Variants in NCKAP5 observed in about 807,000 individuals in gnomAD.
The protein encoded by NCKAP5 is NCK associated protein 5, also known as nck-associated protein 5.
NCKAP5 carries 92 observed loss-of-function variants against 167.0 expected under a neutral mutation model. The observed-to-expected ratio is 0.55, with a 90% CI of 0.47 to 0.66. NCKAP5 has a LOEUF of 0.66. NCKAP5 is among the 30% of genes least tolerant of loss of function. The pLI is 0.00. For synonymous variants in NCKAP5, 891 were observed against 877.4 expected (o/e 1.02, Z -0.27); for missense variants, 2,378 against 2,315.0 (o/e 1.03, Z -0.56).
At chr2:133,655,566 C>A in the NCKAP5 span, among the ~76,000 whole-genome samples, 1 of 152,140 alleles carries the variant, frequency 6.6e-6, no homozygotes, top group South Asian at 2.1e-4. Flanking sequence ...ATGGGGCATC[C>A]CATCAATCAG....
rs566485370 is a variant in NCKAP5, at chr2:133,497,515, T to C, written c.69+19943A>G. ...AAATTCCTACCACAGAGCATCCCAT[T>C]AGGAAGATTCCTGGGAGGTAACAGG... is the stretch of plus-strand genomic sequence containing the variant. On this transcript the variant is annotated intron_variant, in intron 3 of 19. Coordinates refer to ENST00000409261, the MANE Select transcript of NCKAP5 (RefSeq NM_207363.3). Among the ~76,000 whole-genome samples, 6 of 152,338 alleles carry C rather than the reference T, an allele frequency of 3.9e-5. 1 individual carries two copies. The highest frequency in any genetic ancestry group is 1.4e-4 in the African/African-American group (6 of 41,578).
chr2:133,628,199 A>G, the NCKAP5 span, among the ~76,000 whole-genome samples: 1 of 152,218 alleles, frequency 6.6e-6, no homozygotes, highest in Non-Finnish European at 1.5e-5. Flanking sequence ...GAGGAAGTCA[A>G]ACTGTCTCTG....
At chr2:133,256,048 A>G (rs998832369) in intron 4 of NCKAP5, among the ~76,000 whole-genome samples, 3 of 152,200 alleles carry the variant, frequency 2.0e-5, no homozygotes, top group African/African-American at 7.2e-5. Context: ...ATGATGGTTA[A>G]TTAAACCCGA....
intron 8 of NCKAP5, among the ~76,000 whole-genome samples, chr2:132,950,560 C>T (rs1419396084): frequency 2.6e-5 from 4 of 152,110 alleles, no homozygotes; most frequent in South Asian, 2.1e-4. Flanking sequence ...GGAAATACCC[C>T]GACACCACTT....
intron 16 of NCKAP5, among the ~76,000 whole-genome samples, chr2:132,765,567 C>CCACCCAAAGTGCTGGAATT (rs57897504): frequency 6.6e-6 from 1 of 151,768 alleles, no homozygotes; most frequent in African/African-American, 2.4e-5. Flanking sequence ...CCCGCCTCAG[C>CCACCCAAAGTGCTGGAATT]ACAGGCATGA....
intron 5 of NCKAP5, among the ~76,000 whole-genome samples, chr2:133,147,697 C>T (rs1484143427): frequency 1.3e-5 from 2 of 152,090 alleles, no homozygotes; most frequent in African/African-American, 4.8e-5. Flanking sequence ...TAGTAAGCGG[C>T]CTCTTCCCCA....
chr2:133,110,554 C>T lies in NCKAP5; in HGVS notation c.341+19424G>A, dbSNP rs1310001912. ...AACCTAGTGCATCTGTCTGTTAGGG[C>T]GAGAAAAAGCAGAATATCATTCCAG... On this transcript the variant is annotated intron_variant, in intron 6 of 19. Transcript: ENST00000409261. Among the ~76,000 whole-genome samples, 3 of 152,110 alleles carry T rather than the reference C, an allele frequency of 2.0e-5. 1 individual carries two copies. The highest frequency in any genetic ancestry group is 4.8e-5 in the African/African-American group (2 of 41,416).
chr2:132,696,267 C>T (rs879617745), intron 19 of NCKAP5, among the ~76,000 whole-genome samples: 15 of 152,204 alleles, frequency 9.9e-5, no homozygotes, highest in Non-Finnish European at 1.8e-4. Flanking sequence ...CTACAGAAAC[C>T]AGTCCTCATG....
intron 16 of NCKAP5, among the ~76,000 whole-genome samples, chr2:132,732,503 A>C (rs752706095): frequency 3.0e-4 from 45 of 152,206 alleles, no homozygotes; most frequent in Non-Finnish European, 6.0e-4. Context: ...AGTGAGGTGC[A>C]TGAAGTGGAC....
At chr2:132,786,267 G>A (rs1283117028) in intron 13 of NCKAP5, among the ~76,000 whole-genome samples, 1 of 152,216 alleles carries the variant, frequency 6.6e-6, no homozygotes, top group Non-Finnish European at 1.5e-5. Flanking sequence ...GGAATGACTA[G>A]AAGATGATAT....
intron 19 of NCKAP5, among the ~76,000 whole-genome samples, chr2:132,699,535 T>G (rs1465048721): frequency 6.6e-6 from 1 of 151,954 alleles, no homozygotes; most frequent in Non-Finnish European, 1.5e-5. Flanking sequence ...TGTGTCCAAG[T>G]GTTCTCATTG....
chr2:132,872,435 C>G (rs1158549554), intron 9 of NCKAP5, among the ~76,000 whole-genome samples: 2 of 152,114 alleles, frequency 1.3e-5, no homozygotes. Context: ...TGGAAGTGGG[C>G]GAGCAGAGGG....
intron 8 of NCKAP5, among the ~76,000 whole-genome samples, chr2:132,957,531 A>G (rs909101163): frequency 5.9e-5 from 9 of 151,982 alleles, no homozygotes; most frequent in African/African-American, 2.2e-4. Flanking sequence ...GGGGCTCAGA[A>G]AAAATATCCC....
intron 5 of NCKAP5, among the ~76,000 whole-genome samples, chr2:133,132,640 C>T (rs1378431365): frequency 6.6e-6 from 1 of 151,634 alleles, no homozygotes; most frequent in Non-Finnish European, 1.5e-5. Context: ...TGACAATAAT[C>T]CACACCTACT....
intron 6 of NCKAP5, among the ~76,000 whole-genome samples, chr2:133,033,005 C>A (rs974857940): frequency 1.3e-5 from 2 of 152,274 alleles, no homozygotes; most frequent in South Asian, 4.1e-4. Context: ...CCCACCAGCT[C>A]CTCCCACAAC....
chr2:133,334,912 G>A (rs1167047524), intron 3 of NCKAP5, among the ~76,000 whole-genome samples: 1 of 152,176 alleles, frequency 6.6e-6, no homozygotes, highest in Non-Finnish European at 1.5e-5. Context: ...ATGTGGCTGA[G>A]CTGGGTCTCT....
chr2:133,272,298 G>A (rs960333511), intron 4 of NCKAP5, among the ~76,000 whole-genome samples: 2 of 151,694 alleles, frequency 1.3e-5, no homozygotes, highest in Non-Finnish European at 2.9e-5. Context: ...ATCAATACAG[G>A]ATCAATAAAA....
intron 6 of NCKAP5, among the ~76,000 whole-genome samples, chr2:133,042,932 T>C (rs2149460508): frequency 6.6e-6 from 1 of 152,314 alleles, no homozygotes; most frequent in East Asian, 1.9e-4. Context: ...TGTCAAAAAA[T>C]TCTGAAGAAT....
the NCKAP5 span, among the ~76,000 whole-genome samples, chr2:133,584,949 G>GGAAGGAAGGAAA: frequency 3.7e-5 from 4 of 109,124 alleles, no homozygotes; most frequent in East Asian, 9.7e-4. Flanking sequence ...AAAGAAGGAA[G>GGAAGGAAGGAAA]GAAGGAAGGA....
Sources: gnomAD v4.1 joint callset for allele counts (sites outside exome capture counted in the v4.1 genomes callset) on GRCh38, gnomAD v4.1.1 for gene constraint, MANE v1.5 for transcripts, NCBI Gene and HGNC (gene_info 2026-07-23, HGNC 2026-07-21) for gene names.